Variants in JPH1 observed in about 807,000 individuals in gnomAD.
The protein encoded by JPH1 is junctophilin-1.
JPH1 carries 12 observed loss-of-function variants against 53.6 expected under a neutral mutation model. The observed-to-expected ratio is 0.22, with a 90% CI of 0.14 to 0.36. The LOEUF (loss-of-function observed/expected upper bound fraction) is 0.36, where lower values mean the gene tolerates loss of function less well. Ranked by LOEUF, JPH1 falls within the 10% of genes least tolerant of loss-of-function variation. The pLI, the probability that JPH1 is intolerant of heterozygous loss-of-function variation, is 1.00. For synonymous variants in JPH1, 375 were observed against 363.8 expected (o/e 1.03, Z -0.35); for missense variants, 808 against 905.5 (o/e 0.89, Z 1.38).
chr8:74,302,869 C>G (rs887050704), intron 2 of JPH1, among the ~76,000 whole-genome samples: 10 of 151,698 alleles, frequency 6.6e-5, no homozygotes, highest in African/African-American at 2.2e-4. Context: ...TTGGACAGAG[C>G]TGGCACTAAA....
intron 3 of JPH1, among the ~76,000 whole-genome samples, chr8:74,247,609 C>T (rs1805894401): frequency 2.0e-5 from 3 of 152,058 alleles, no homozygotes; most frequent in Non-Finnish European, 1.5e-5. Context: ...GTTATGCATT[C>T]TCAAAGTTGG....
intron 2 of JPH1, among the ~76,000 whole-genome samples, chr8:74,269,021 G>C (rs1241340485): frequency 6.6e-6 from 1 of 152,024 alleles, no homozygotes; most frequent in Non-Finnish European, 1.5e-5. Context: ...AAAGTGACAT[G>C]CACCCTCTAG....
At chr8:74,241,052 T>C (rs1311606847) in intron 4 of JPH1, among the ~76,000 whole-genome samples, 1 of 152,192 alleles carries the variant, frequency 6.6e-6, no homozygotes, top group African/African-American at 2.4e-5. Flanking sequence ...CATACATATA[T>C]ATTTTTTTCT....
chr8:74,284,413 T>A, intron 2 of JPH1, among the ~76,000 whole-genome samples: 1 of 152,044 alleles, frequency 6.6e-6, no homozygotes, highest in East Asian at 1.9e-4. Context: ...TGTATTCCGG[T>A]CAAACGCTGA....
intron 2 of JPH1, among the ~76,000 whole-genome samples, chr8:74,270,615 G>A (rs566351909): frequency 2.0e-5 from 3 of 152,282 alleles, no homozygotes; most frequent in Admixed American, 6.5e-5. Context: ...TGTACATCAA[G>A]ATAAAAATAT....
chr8:74,269,808 A>C (rs540139522), intron 2 of JPH1, among the ~76,000 whole-genome samples: 1 of 152,398 alleles, frequency 6.6e-6, no homozygotes, highest in Non-Finnish European at 1.5e-5. Context: ...GGCAGAGCCC[A>C]GGTCTCCTAA....
intron 1 of JPH1, among the ~76,000 whole-genome samples, chr8:74,317,786 A>G (rs748149456): frequency 1.3e-5 from 2 of 152,204 alleles, no homozygotes; most frequent in Non-Finnish European, 2.9e-5. Flanking sequence ...AATGTTTAAC[A>G]CTGATGGAAA....
intron 2 of JPH1, 82 bp downstream of exon 2, chr8:74,314,779 A>C: frequency 6.8e-7 from 1 of 1,468,748 alleles, no homozygotes; most frequent in Non-Finnish European, 9.4e-7. Flanking sequence ...TAGCGATGTC[A>C]CTGGCAGATA....
chr8:74,275,098 T>C (rs1806809935), intron 2 of JPH1, among the ~76,000 whole-genome samples: 1 of 152,222 alleles, frequency 6.6e-6, no homozygotes, highest in Admixed American at 6.5e-5. Context: ...GACTGGGCTT[T>C]TGTTTTCTGG....
chr8:74,263,092 A>T (rs1806438199), intron 2 of JPH1, among the ~76,000 whole-genome samples: 1 of 152,226 alleles, frequency 6.6e-6, no homozygotes, highest in African/African-American at 2.4e-5. Context: ...TACATGGAAC[A>T]TGCTGAGCAT....
chr8:74,266,690 C>T (rs567777236), intron 2 of JPH1, among the ~76,000 whole-genome samples: 2 of 152,236 alleles, frequency 1.3e-5, no homozygotes, highest in East Asian at 3.9e-4. Flanking sequence ...TTATGTTATA[C>T]ATATTTTACA....
rs530127670 is a variant in JPH1, at chr8:74,318,133, T to C, written c.380-2513A>G. ...GAATAAGAAAGGGCCTATTTCTTTATGAAGCAGGTGGGTTCCAACTTCTCC... is the reference window on the plus strand; with the variant it reads ...GAATAAGAAAGGGCCTATTTCTTTACGAAGCAGGTGGGTTCCAACTTCTCC... On this transcript the variant is annotated intron_variant, in intron 1 of 5. Transcript: ENST00000342232. Among the ~76,000 whole-genome samples, 5 of 152,326 alleles carry C rather than the reference T, an allele frequency of 3.3e-5. No homozygotes were observed. The East Asian group carries it at 5.8e-4, about 18-fold the overall frequency.
At chr8:74,273,916 C>A (rs935235621) in intron 2 of JPH1, among the ~76,000 whole-genome samples, 1 of 152,154 alleles carries the variant, frequency 6.6e-6, no homozygotes, top group African/African-American at 2.4e-5. Context: ...TGAGCCTCTA[C>A]AACCTCTCTC....
intron 2 of JPH1, among the ~76,000 whole-genome samples, chr8:74,276,065 GA>G (rs1806839034): frequency 6.6e-6 from 1 of 152,152 alleles, no homozygotes; most frequent in Admixed American, 6.5e-5. Context: ...TTAAATGAAT[GA>G]AAGGGTTATG....
chr8:74,235,178 T>A lies in JPH1; in HGVS notation c.*1873A>T, dbSNP rs1586725209. 1 of 152,616 alleles carries A rather than the reference T, an allele frequency of 6.6e-6. No homozygotes were observed. The highest frequency in any genetic ancestry group is 2.1e-4 in the South Asian group (1 of 4,812). 9.5% of individuals were successfully genotyped at this position (152,616 alleles called of 1,614,324 possible). Reference sequence around the variant, plus strand: ...TTCCCAGCGTAAGGAGCTATAGGGTTTGGGAGGGGCAGTGAGAGTACTGAG... The same window carrying A: ...TTCCCAGCGTAAGGAGCTATAGGGTATGGGAGGGGCAGTGAGAGTACTGAG... On this transcript the variant is annotated 3_prime_UTR_variant, in exon 6 of 6. Coordinates refer to ENST00000342232, the MANE Select transcript of JPH1 (RefSeq NM_020647.4).
chr8:74,259,547 G>T, intron 2 of JPH1, 44 bp from the exon 3 acceptor site: 1 of 1,330,604 alleles, frequency 7.5e-7, no homozygotes, highest in Non-Finnish European at 1.0e-6. Context: ...GTGACCCCTT[G>T]TTACTTACAC....
chr8:74,272,592 C>T (rs1338812815), intron 2 of JPH1, among the ~76,000 whole-genome samples: 1 of 149,970 alleles, frequency 6.7e-6, no homozygotes, highest in African/African-American at 2.5e-5. Flanking sequence ...TCTGTTGGAC[C>T]CTTAGTTCTT....
intron 2 of JPH1, among the ~76,000 whole-genome samples, chr8:74,307,342 A>G (rs551352252): frequency 6.6e-5 from 10 of 152,330 alleles, no homozygotes; most frequent in Admixed American, 5.2e-4. Flanking sequence ...AATTCTCAAA[A>G]CAACCCTGCT....
chr8:74,310,589 T>C (rs1220523969), intron 2 of JPH1, among the ~76,000 whole-genome samples: 1 of 152,124 alleles, frequency 6.6e-6, no homozygotes, highest in African/African-American at 2.4e-5. Flanking sequence ...CAGGGGCCCA[T>C]AATAAGCCTT....
Sources: allele counts gnomAD v4.1 joint callset (sites outside exome capture counted in the v4.1 genomes callset), GRCh38; gene constraint gnomAD v4.1.1; transcripts MANE v1.5; gene names NCBI Gene and HGNC (gene_info 2026-07-23, HGNC 2026-07-21).